LRP1B: variants seen among roughly 807,000 people sequenced by gnomAD.
LRP1B encodes low-density lipoprotein receptor-related protein 1B.
Under a neutral mutation model 556.6 loss-of-function variants are expected in LRP1B, and 217 were observed. The observed-to-expected ratio is 0.39, with a 90% confidence interval of 0.35 to 0.44. The LOEUF (loss-of-function observed/expected upper bound fraction) is 0.44, where lower values mean the gene tolerates loss of function less well. Ranked by LOEUF, LRP1B falls within the 20% of genes least tolerant of loss-of-function variation. The pLI, the probability that LRP1B is intolerant of heterozygous loss-of-function variation, is 1.00. For missense variants in LRP1B, 5,053 were observed against 5,620.8 expected, an observed-to-expected ratio of 0.90 and a Z score of 3.23; for synonymous variants, 2,047 against 1,865.8, an observed-to-expected ratio of 1.10 and a Z score of -2.50.
intron 35 of LRP1B, 71 bp from the exon 36 acceptor site, chr2:140,716,887 C>T (rs1372255): frequency 0.53 from 430,595 of 806,684 alleles, 117,720 homozygotes; most frequent in Non-Finnish European, 0.58. Flanking sequence ...GTGTTAGGAT[C>T]ATATTGCAAC....
chr2:140,548,277 A>G (rs1680421085), intron 43 of LRP1B, among the ~76,000 whole-genome samples: 1 of 152,162 alleles, frequency 6.6e-6, no homozygotes, highest in African/African-American at 2.4e-5. Context: ...CCAAATTATA[A>G]CAGCAAATGT....
intron 3 of LRP1B, among the ~76,000 whole-genome samples, chr2:141,465,459 G>T (rs1682151508): frequency 6.6e-6 from 1 of 151,868 alleles, no homozygotes; most frequent in Non-Finnish European, 1.5e-5. Context: ...CAGGCCGCAG[G>T]TAGCCCTCAC....
At chr2:141,049,315 T>G in intron 10 of LRP1B, 93 bp from the exon 11 acceptor site, 1 of 815,958 alleles carries the variant, frequency 1.2e-6, no homozygotes, top group Non-Finnish European at 2.0e-6. Context: ...CAATTAGCGT[T>G]TTTTAAATTC....
In LRP1B at chr2:141,853,881, T is replaced by C. The variant is rs111566569; in HGVS notation, c.83-43480A>G. On this transcript the variant is annotated intron_variant, in intron 1 of 90. Transcript: ENST00000389484. Reference sequence around the variant, plus strand: ...ACATTTATGTGGCTCAAGTCACATATTGATATTTTATGATATATTTGTTGT... The same window carrying C: ...ACATTTATGTGGCTCAAGTCACATACTGATATTTTATGATATATTTGTTGT... Among the ~76,000 whole-genome samples the C allele has an allele frequency of 2.1e-3, 323 of 152,114 alleles. 1 individual carries two copies. Among genetic ancestry groups the C allele is most frequent in the African/African-American group, 7.5e-3 (312 of 41,550 alleles).
At chr2:141,324,301 A>C (rs1409631577) in intron 3 of LRP1B, among the ~76,000 whole-genome samples, 2 of 152,162 alleles carry the variant, frequency 1.3e-5, no homozygotes. Flanking sequence ...CCTTTATATA[A>C]TGAATTATAA....
rs186813384 is a variant in LRP1B, at chr2:141,213,845, C to T, written c.850+15338G>A. Among the ~76,000 whole-genome samples the T allele has an allele frequency of 9.9e-5, 15 of 151,562 alleles. No individual in the cohort carries two copies. The East Asian group carries it at 1.9e-3, about 20-fold the overall frequency. ...TTTTTTTTTCCTAAATATTTTTGAC[C>T]GATGGTTGGCTGAAACATGTTGAAT... On this transcript the variant is annotated intron_variant, in intron 6 of 90. Transcript: ENST00000389484.
At chr2:141,665,764 A>G (rs987323802) in intron 2 of LRP1B, among the ~76,000 whole-genome samples, 2 of 152,218 alleles carry the variant, frequency 1.3e-5, no homozygotes, top group Non-Finnish European at 2.9e-5. Flanking sequence ...GAATGAGATC[A>G]TATCCTTTTC....
At chr2:142,095,425 TG>T (rs1706326237) in intron 1 of LRP1B, among the ~76,000 whole-genome samples, 1 of 151,836 alleles carries the variant, frequency 6.6e-6, no homozygotes, top group Admixed American at 6.6e-5. Context: ...TTAAAATATC[TG>T]GTATAGTTTA....
chr2:141,779,834 TC>T (rs781610767), intron 2 of LRP1B, among the ~76,000 whole-genome samples: 1 of 151,932 alleles, frequency 6.6e-6, no homozygotes, highest in Non-Finnish European at 1.5e-5. Context: ...TGTCTCTGAT[TC>T]CAAAGGTCAC....
chr2:140,639,475 C>T (rs549295749), intron 41 of LRP1B, among the ~76,000 whole-genome samples: 21 of 152,262 alleles, frequency 1.4e-4, no homozygotes, highest in Admixed American at 1.2e-3. Flanking sequence ...AATAATTATG[C>T]AGATTCATTT....
At chr2:141,116,555 A>G (rs1700904264) in intron 7 of LRP1B, among the ~76,000 whole-genome samples, 1 of 152,176 alleles carries the variant, frequency 6.6e-6, no homozygotes, top group Non-Finnish European at 1.5e-5. Context: ...TTACTAACTT[A>G]GTAGGCTCGC....
chr2:141,772,545 T>C (rs569874334), intron 2 of LRP1B, among the ~76,000 whole-genome samples: 9 of 152,230 alleles, frequency 5.9e-5, no homozygotes, highest in African/African-American at 1.9e-4. Flanking sequence ...TGGGATAGGG[T>C]CCGGCGCTGG....
chr2:140,311,211 A>C (rs1410847085), intron 83 of LRP1B, among the ~76,000 whole-genome samples: 1 of 151,846 alleles, frequency 6.6e-6, no homozygotes, highest in Non-Finnish European at 1.5e-5. Context: ...TCATTATATC[A>C]AAAACATATG....
intron 32 of LRP1B, among the ~76,000 whole-genome samples, chr2:140,787,249 T>C (rs1689937665): frequency 6.6e-6 from 1 of 152,180 alleles, no homozygotes; most frequent in Non-Finnish European, 1.5e-5. Flanking sequence ...ATTTCTGGTT[T>C]CCAAAAGGAT....
intron 2 of LRP1B, among the ~76,000 whole-genome samples, chr2:141,795,577 C>CA (rs1012653263): frequency 6.6e-6 from 1 of 151,172 alleles, no homozygotes; most frequent in Non-Finnish European, 1.5e-5. Context: ...GCAGTCAGTA[C>CA]AAAAAAGGTT....
At chr2:140,487,567 A>G (rs1342198496) in intron 58 of LRP1B, 50 bp downstream of exon 58, 8 of 1,521,196 alleles carry the variant, frequency 5.3e-6, no homozygotes, top group African/African-American at 1.4e-5. Flanking sequence ...ATACAATTCA[A>G]TCATACTGGT....
chr2:141,536,090 A>G lies in LRP1B; in HGVS notation c.206-55557T>C, dbSNP rs16846424. On this transcript the variant is annotated intron_variant, in intron 2 of 90. Transcript: ENST00000389484. The stretch of plus-strand genomic sequence containing the variant: ...CTTCTTTATAAACAGTAAATGTTGA[A>G]AACAGAATTTGTCTTATTGTCCTAT... Among the ~76,000 whole-genome samples, 1,216 of 152,240 alleles carry G rather than the reference A, an allele frequency of 8.0e-3. 22 individuals are homozygous for G. Among genetic ancestry groups the G allele is most frequent in the African/African-American group, 0.025 (1,043 of 41,570 alleles).
In LRP1B at chr2:140,867,845, A is replaced by T. The variant is rs1559165104; in HGVS notation, c.4335-11T>A. On this transcript the variant is annotated splice_polypyrimidine_tract_variant and intron_variant, in intron 26 of 90. Transcript: ENST00000389484. Reference sequence around the variant, plus strand: ...TAAATAGCATCTGACCTACAGAAAGATAAATACATGAGTAGTTTGTCAAAA... The same window carrying T: ...TAAATAGCATCTGACCTACAGAAAGTTAAATACATGAGTAGTTTGTCAAAA... 1 of 1,513,548 alleles carries T rather than the reference A, an allele frequency of 6.6e-7. No homozygotes were observed. The highest frequency in any genetic ancestry group is 8.8e-7 in the Non-Finnish European group (1 of 1,131,288). The allele number at this position is 1,513,548 out of a possible 1,614,324, so 93.8% of individuals were successfully genotyped here.
intron 3 of LRP1B, among the ~76,000 whole-genome samples, chr2:141,443,543 A>G (rs915109515): frequency 3.9e-5 from 6 of 152,156 alleles, no homozygotes; most frequent in African/African-American, 1.4e-4. Context: ...GTTGTCTTCT[A>G]GGGTTTTTAT....
Sources: allele counts gnomAD v4.1 joint callset (sites outside exome capture counted in the v4.1 genomes callset), GRCh38; gene constraint gnomAD v4.1.1; transcripts MANE v1.5; gene names NCBI Gene and HGNC (gene_info 2026-07-23, HGNC 2026-07-21).